Variants in GRK5 observed in about 807,000 individuals in gnomAD.
GRK5 encodes g protein-coupled receptor kinase GRK5.
Under a neutral mutation model 78.4 loss-of-function variants are expected in GRK5, and 40 were observed. That is an observed-to-expected ratio of 0.51 (90% CI 0.40 to 0.66). The LOEUF is 0.66. Ranked by LOEUF, GRK5 falls within the 30% of genes least tolerant of loss-of-function variation. GRK5 has a pLI of 0.00. For missense variants in GRK5, 598 were observed against 759.9 expected, an observed-to-expected ratio of 0.79 and a Z score of 2.50; for synonymous variants, 289 against 296.8, an observed-to-expected ratio of 0.97 and a Z score of 0.27.
intron 5 of GRK5, among the ~76,000 whole-genome samples, chr10:119,424,431 C>T (rs1488808917): frequency 6.6e-6 from 1 of 152,192 alleles, no homozygotes; most frequent in Non-Finnish European, 1.5e-5. Flanking sequence ...CTCGGCCTGG[C>T]ACCTGGCCCA....
At chr10:119,292,040 C>A (rs1451721335) in intron 1 of GRK5, among the ~76,000 whole-genome samples, 2 of 134,218 alleles carry the variant, frequency 1.5e-5, no homozygotes, top group Non-Finnish European at 1.6e-5. Flanking sequence ...TTCTCCTCCT[C>A]TTCCTCCTTC....
intron 2 of GRK5, among the ~76,000 whole-genome samples, chr10:119,349,859 G>A (rs985732828): frequency 1.3e-5 from 2 of 152,220 alleles, no homozygotes; most frequent in South Asian, 2.1e-4. Flanking sequence ...TTGCTCATAC[G>A]TGGGCACCTG....
At chr10:119,396,975 G>A (rs1852065737) in intron 4 of GRK5, among the ~76,000 whole-genome samples, 1 of 152,268 alleles carries the variant, frequency 6.6e-6, no homozygotes, top group Admixed American at 6.5e-5. Flanking sequence ...GTCTAGGCCA[G>A]GACTGGAGTA....
chr10:119,277,155 A>G (rs965385250), intron 1 of GRK5, among the ~76,000 whole-genome samples: 1 of 152,038 alleles, frequency 6.6e-6, no homozygotes, highest in Admixed American at 6.5e-5. Context: ...AGGTTGGCTG[A>G]TTGGGATTCT....
intron 2 of GRK5, among the ~76,000 whole-genome samples, chr10:119,371,357 G>C (rs1336417523): frequency 6.6e-6 from 1 of 152,234 alleles, no homozygotes; most frequent in Non-Finnish European, 1.5e-5. Flanking sequence ...GGGAAACTCT[G>C]GTTGCCCTCC....
chr10:119,349,306 G>A (rs1851152872), intron 2 of GRK5, among the ~76,000 whole-genome samples: 1 of 152,262 alleles, frequency 6.6e-6, no homozygotes, highest in Non-Finnish European at 1.5e-5. Context: ...GCTGAAGGCA[G>A]AGGCATGGCT....
intron 2 of GRK5, among the ~76,000 whole-genome samples, chr10:119,331,671 A>C (rs1850781868): frequency 6.6e-6 from 1 of 152,094 alleles, no homozygotes; most frequent in Non-Finnish European, 1.5e-5. Flanking sequence ...ACCCATGAGG[A>C]CCCCAGGATG....
rs928651320 is a variant in GRK5 at position 119,217,301 on chromosome 10, T to C, written c.52+9332T>C. Among the ~76,000 whole-genome samples the C allele has an allele frequency of 3.3e-5, 5 of 152,232 alleles. No homozygotes were observed. Among genetic ancestry groups the C allele is most frequent in the African/African-American group, 9.6e-5 (4 of 41,470 alleles). On this transcript the variant is annotated intron_variant, in intron 1 of 15. Coordinates refer to ENST00000392870, the MANE Select transcript of GRK5 (RefSeq NM_005308.3). This position sits in a 1 kb window ranked among gnomAD's most constrained non-coding sequence, Gnocchi z 4.1. ...GGGTAAATTAATTCCTACTAGGTTG[T>C]AAATGACTGATAGGTGAATCCTCAA...
intron 1 of GRK5, among the ~76,000 whole-genome samples, chr10:119,273,237 G>A (rs1340317680): frequency 1.3e-5 from 2 of 152,148 alleles, no homozygotes; most frequent in Non-Finnish European, 2.9e-5. Flanking sequence ...CATAAAGCAG[G>A]TGATTTTGAG....
chr10:119,446,299 G>A (rs80096387), intron 12 of GRK5, among the ~76,000 whole-genome samples: 5,291 of 152,230 alleles, frequency 0.035, 147 homozygotes, highest in Middle Eastern at 0.11. Flanking sequence ...ACCTGCACAC[G>A]GTTTTTCAAA....
chr10:119,236,532 A>T (rs969953852), intron 1 of GRK5, among the ~76,000 whole-genome samples: 1 of 152,140 alleles, frequency 6.6e-6, no homozygotes, highest in Non-Finnish European at 1.5e-5. Context: ...CTATTTTAAA[A>T]ATCGGGAAAT....
intron 3 of GRK5, among the ~76,000 whole-genome samples, chr10:119,389,858 G>A (rs1043487830): frequency 2.4e-4 from 36 of 151,900 alleles, no homozygotes; most frequent in African/African-American, 8.2e-4. Flanking sequence ...GATCATGGGG[G>A]CTACAGAAGT....
chr10:119,264,572 G>A lies in GRK5; in HGVS notation c.52+56603G>A, dbSNP rs1188077566. On this transcript the variant is annotated intron_variant, in intron 1 of 15. Coordinates refer to ENST00000392870, the MANE Select transcript of GRK5 (RefSeq NM_005308.3). This position sits in a 1 kb window ranked among gnomAD's most constrained non-coding sequence, Gnocchi z 4.1. ...AGACCACCTCTCCCAGCAGCTGTAT[G>A]TCAAACATCATCAAGGCATGATTCT... Among the ~76,000 whole-genome samples the A allele has an allele frequency of 6.6e-6, 1 of 152,192 alleles. No individual in the cohort carries two copies. Among genetic ancestry groups the A allele is most frequent in the South Asian group, 2.1e-4 (1 of 4,836 alleles).
chr10:119,428,968 C>T (rs1224302285), intron 6 of GRK5, among the ~76,000 whole-genome samples: 1 of 152,256 alleles, frequency 6.6e-6, no homozygotes, highest in Non-Finnish European at 1.5e-5. Context: ...CTCCATGCAT[C>T]GTAAACTGTT....
At chr10:119,305,678 C>T (rs939643601) in intron 1 of GRK5, among the ~76,000 whole-genome samples, 4 of 152,116 alleles carry the variant, frequency 2.6e-5, no homozygotes, top group Non-Finnish European at 4.4e-5. Flanking sequence ...TGCCACTCCC[C>T]GGGAGACACG....
At chr10:119,302,177 C>T (rs544721589) in intron 1 of GRK5, among the ~76,000 whole-genome samples, 115 of 152,326 alleles carry the variant, frequency 7.5e-4, no homozygotes, top group African/African-American at 2.7e-3. Flanking sequence ...CAGAATCCCA[C>T]TTTCAAGGAG....
At chr10:119,448,076 G>C (rs766719870) in intron 12 of GRK5, 47 bp from the exon 13 acceptor site, 3 of 1,494,314 alleles carry the variant, frequency 2.0e-6, no homozygotes, top group East Asian at 5.2e-5. Flanking sequence ...GGTCCGGACA[G>C]GAGGAGAGGC....
intron 3 of GRK5, among the ~76,000 whole-genome samples, chr10:119,394,352 G>GTC (rs1851974385): frequency 1.8e-5 from 2 of 111,600 alleles, no homozygotes; most frequent in African/African-American, 3.5e-5. Flanking sequence ...GTGGGCATGT[G>GTC]GGTGTGTGGG....
intron 1 of GRK5, among the ~76,000 whole-genome samples, chr10:119,234,766 C>T (rs908795985): frequency 1.3e-5 from 2 of 151,874 alleles, no homozygotes; most frequent in South Asian, 4.2e-4. Flanking sequence ...GATCTCGGCT[C>T]ACTGCAACCT....
Sources: gnomAD v4.1 joint callset for allele counts (sites outside exome capture counted in the v4.1 genomes callset) on GRCh38, gnomAD v4.1.1 for gene constraint, Gnocchi (gnomAD v3.1) non-coding constraint, MANE v1.5 for transcripts, NCBI Gene and HGNC (gene_info 2026-07-23, HGNC 2026-07-21) for gene names.